Variants in ANKFY1 observed in about 807,000 individuals in gnomAD.
The protein encoded by ANKFY1 is ankyrin repeat and FYVE domain-containing protein 1.
In ANKFY1, 47 loss-of-function variants were observed where a neutral mutation model predicts 128.3. The observed-to-expected ratio is 0.37, with a 90% CI of 0.29 to 0.47. The LOEUF (loss-of-function observed/expected upper bound fraction) is 0.47, where lower values mean the gene tolerates loss of function less well. ANKFY1 is among the 20% of genes least tolerant of loss of function. The pLI, the probability that ANKFY1 is intolerant of heterozygous loss-of-function variation, is 1.00. For synonymous variants in ANKFY1, 553 were observed against 601.6 expected (o/e 0.92, Z 1.18); for missense variants, 1,222 against 1,510.6 (o/e 0.81, Z 3.17).
intron 4 of ANKFY1, among the ~76,000 whole-genome samples, chr17:4,211,390 C>T (rs1398757499): frequency 1.5e-5 from 2 of 137,334 alleles, no homozygotes; most frequent in East Asian, 4.1e-4. Context: ...GAGCAAGACT[C>T]GTCTCAAAAA....
chr17:4,232,495 C>T (rs2060530112), intron 3 of ANKFY1, among the ~76,000 whole-genome samples: 1 of 152,236 alleles, frequency 6.6e-6, no homozygotes, highest in Non-Finnish European at 1.5e-5. Flanking sequence ...GCCACATGTT[C>T]TCCTATCTGC....
At chr17:4,213,164 G>T (rs1177065651) in intron 4 of ANKFY1, among the ~76,000 whole-genome samples, 1 of 152,046 alleles carries the variant, frequency 6.6e-6, no homozygotes, top group Non-Finnish European at 1.5e-5. Context: ...GTAAATGCAG[G>T]CACCTGCTTT....
chr17:4,185,504 AT>A (rs569935495), intron 11 of ANKFY1, among the ~76,000 whole-genome samples: 61 of 145,236 alleles, frequency 4.2e-4, no homozygotes, highest in Admixed American at 3.4e-4. Flanking sequence ...CGCCCGGCCC[AT>A]TTTTTTTTTT....
At chr17:4,230,420 T>C (rs113112064) in intron 3 of ANKFY1, among the ~76,000 whole-genome samples, 2,641 of 152,288 alleles carry the variant, frequency 0.017, 75 homozygotes, top group African/African-American at 0.06. Context: ...TTCTAATCCA[T>C]TGGAACCTCT....
At chr17:4,216,922 G>A (rs758226202) in intron 4 of ANKFY1, 61 bp downstream of exon 4, 28 of 1,607,718 alleles carry the variant, frequency 1.7e-5, no homozygotes, top group Non-Finnish European at 2.1e-5. Flanking sequence ...CCCAGAGCTC[G>A]GCATAATTAA....
Position 4,182,211 on chromosome 17 carries a change from T to G in ANKFY1, c.2091A>C (p.Ala697=), listed in dbSNP as rs573139316. 6.4e-7 allele frequency: 1 copy of G among 1,572,192 alleles called. No individual in the cohort carries two copies. Among genetic ancestry groups the G allele is most frequent in the East Asian group, 2.3e-5 (1 of 43,584 alleles). ...KGNPPLWLAL[A]NNLEDIASTL... is the part of the protein sequence containing the mutation. ...TGGATGCGATGTCCTCCAGATTGTTTGCCAATGCAAGCCACAGCGGGGGGT... is the reference window on the plus strand; with the variant it reads ...TGGATGCGATGTCCTCCAGATTGTTGGCCAATGCAAGCCACAGCGGGGGGT... The change falls in exon 15 of 25, where the codon GCA becomes GCC. Residue 697 remains alanine, a synonymous_variant. Transcript: ENST00000341657.
At chr17:4,262,180 T>G (rs1026581921) in intron 1 of ANKFY1, among the ~76,000 whole-genome samples, 4 of 152,082 alleles carry the variant, frequency 2.6e-5, no homozygotes, top group Admixed American at 1.3e-4. Context: ...TAAGACAGGA[T>G]CTTACTCTGT....
chr17:4,262,970 G>A (rs972754253), intron 1 of ANKFY1, among the ~76,000 whole-genome samples: 12 of 152,116 alleles, frequency 7.9e-5, no homozygotes, highest in African/African-American at 2.4e-4. Context: ...AAAACCAACA[G>A]GAAAGGTCGT....
Position 4,179,712 on chromosome 17 carries a change from A to G in ANKFY1, c.2397+9T>C, listed in dbSNP as rs781070288. 11 of 1,612,832 alleles carry G rather than the reference A, an allele frequency of 6.8e-6. No individual in the cohort carries two copies. The highest frequency in any genetic ancestry group is 9.3e-6 in the Non-Finnish European group (11 of 1,179,568). ...ACACCTCTCTCCCCGGAAAAGAGAA[A>G]CGACACACCTGTGCGTTCACGTTGG... On this transcript the variant is annotated intron_variant, in intron 17 of 24. Coordinates refer to ENST00000341657, the MANE Select transcript of ANKFY1 (RefSeq NM_001330063.2).
At chr17:4,190,200 G>A (rs1258844177) in intron 10 of ANKFY1, among the ~76,000 whole-genome samples, 1 of 152,178 alleles carries the variant, frequency 6.6e-6, no homozygotes, top group Non-Finnish European at 1.5e-5. Context: ...CAGCACTTTT[G>A]GAGGCCGAGG....
At chr17:4,188,628 G>A (rs2059653434) in intron 11 of ANKFY1, 1 of 152,186 alleles carries the variant, frequency 6.6e-6, no homozygotes, top group South Asian at 2.1e-4. Flanking sequence ...TGATCTTGAA[G>A]ACAAGCACAT....
At chr17:4,231,755 G>C (rs970955649) in intron 3 of ANKFY1, among the ~76,000 whole-genome samples, 1 of 151,742 alleles carries the variant, frequency 6.6e-6, no homozygotes, top group African/African-American at 2.4e-5. Context: ...GACCAGCCTG[G>C]GCAACATGGC....
At chr17:4,201,937 A>G (rs924119976) in intron 7 of ANKFY1, among the ~76,000 whole-genome samples, 1 of 152,246 alleles carries the variant, frequency 6.6e-6, no homozygotes, top group African/African-American at 2.4e-5. Flanking sequence ...TATATTAGCA[A>G]TACAACTAAA....
intron 1 of ANKFY1, among the ~76,000 whole-genome samples, chr17:4,260,902 T>C (rs1055431039): frequency 3.3e-5 from 5 of 152,172 alleles, no homozygotes; most frequent in African/African-American, 7.2e-5. Context: ...GAAGTTCCCA[T>C]AGTGTGTTTA....
intron 1 of ANKFY1, among the ~76,000 whole-genome samples, chr17:4,247,924 G>C (rs945123616): frequency 6.6e-6 from 1 of 152,144 alleles, no homozygotes; most frequent in Non-Finnish European, 1.5e-5. Flanking sequence ...AAATATATTA[G>C]CTATTATTAC....
chr17:4,196,036 A>ACCCCCC (rs1259296783), intron 8 of ANKFY1, among the ~76,000 whole-genome samples: 24 of 5,894 alleles, frequency 4.1e-3, no homozygotes, highest in African/African-American at 0.015. Context: ...CACCCCCCCC[A>ACCCCCC]CCACCCCCCA....
intron 8 of ANKFY1, among the ~76,000 whole-genome samples, 161 bp from the exon 9 acceptor site, chr17:4,195,632 G>A (rs144811267): frequency 5.7e-4 from 86 of 152,172 alleles, no homozygotes; most frequent in Middle Eastern, 3.4e-3. Context: ...ACCTGAAAAC[G>A]GATCTGCTTA....
At chr17:4,180,516 C>CA (rs1426094688) in intron 16 of ANKFY1, 2 of 152,250 alleles carry the variant, frequency 1.3e-5, no homozygotes, top group Non-Finnish European at 2.9e-5. Context: ...GTAATCCCAA[C>CA]ACTTTGGGAG....
intron 3 of ANKFY1, chr17:4,222,987 G>T (rs1270548766): frequency 5.1e-6 from 5 of 985,886 alleles, no homozygotes; most frequent in Non-Finnish European, 6.5e-6. Context: ...CAAAGCCAAG[G>T]TGAAGGATAT....
Sources: allele counts gnomAD v4.1 joint callset (sites outside exome capture counted in the v4.1 genomes callset), GRCh38; gene constraint gnomAD v4.1.1; transcripts MANE v1.5; gene names NCBI Gene and HGNC (gene_info 2026-07-23, HGNC 2026-07-21).